Variants in JADE1 observed in about 807,000 individuals in gnomAD.
JADE1 encodes the protein jade family PHD finger 1.
A neutral mutation model predicts 81.8 loss-of-function variants in JADE1; 14 were observed. The observed-to-expected ratio is 0.17, with a 90% confidence interval of 0.11 to 0.27. The LOEUF (loss-of-function observed/expected upper bound fraction) is 0.27. Among genes scored for constraint, JADE1 ranks in the 10% least tolerant of loss-of-function variants. The pLI, the probability that JADE1 is intolerant of heterozygous loss-of-function variation, is 1.00. For missense variants in JADE1, 690 were observed against 1,047.9 expected (o/e 0.66, Z 4.71); for synonymous variants, 353 against 391.9 (o/e 0.90, Z 1.17).
At chr4:128,849,936 C>G (rs1191826042) in intron 5 of JADE1, among the ~76,000 whole-genome samples, 1 of 152,124 alleles carries the variant, frequency 6.6e-6, no homozygotes, top group Non-Finnish European at 1.5e-5. Context: ...AGCTTTTGTG[C>G]TGTAGGTACA....
intron 1 of JADE1, among the ~76,000 whole-genome samples, chr4:128,830,915 G>A (rs1347705031): frequency 6.6e-6 from 1 of 152,160 alleles, no homozygotes; most frequent in African/African-American, 2.4e-5. Flanking sequence ...CAGCTACCTG[G>A]GAGGAGTTGG....
At position 128,872,394 on chromosome 4, in the gene JADE1, A is replaced by AT. The variant is rs1732261464; in HGVS notation, c.*139dup. The AT allele has an allele frequency of 3.9e-6, 3 of 763,082 alleles. No individual in the cohort carries two copies. Among genetic ancestry groups the AT allele is most frequent in the African/African-American group, 3.5e-5 (2 of 56,692 alleles). 47.3% of individuals were successfully genotyped at this position (763,082 alleles called of 1,614,324 possible). On this transcript the variant is annotated 3_prime_UTR_variant, in exon 11 of 11. Coordinates refer to ENST00000226319, the MANE Select transcript of JADE1 (RefSeq NM_199320.4). The stretch of plus-strand genomic sequence containing the variant: ...ACACATTTACTTGCAATTCAGATTA[A>AT]TTTTTTTCCAGAGTCATTTTTAAAT...
intron 8 of JADE1, among the ~76,000 whole-genome samples, chr4:128,859,402 CGTATGCGTGT>C (rs1312571111): frequency 6.6e-6 from 1 of 151,060 alleles, no homozygotes; most frequent in Non-Finnish European, 1.5e-5. Context: ...TGCGTGAGTG[CGTATGCGTGT>C]GTATGCATGT....
intron 2 of JADE1, among the ~76,000 whole-genome samples, chr4:128,837,237 C>T (rs116715150): frequency 1.5e-4 from 23 of 152,276 alleles, no homozygotes; most frequent in African/African-American, 4.6e-4. Flanking sequence ...GCCCCATCAC[C>T]TGTGATAAGG....
chr4:128,835,934 C>G (rs1043264445), intron 2 of JADE1, among the ~76,000 whole-genome samples: 40 of 152,184 alleles, frequency 2.6e-4, no homozygotes, highest in African/African-American at 9.4e-4. Flanking sequence ...ATAGTTGAAG[C>G]CTTTCTCCAG....
intron 4 of JADE1, among the ~76,000 whole-genome samples, chr4:128,847,157 C>T (rs2125858018): frequency 6.6e-6 from 1 of 152,320 alleles, no homozygotes; most frequent in South Asian, 2.1e-4. Flanking sequence ...AATCAGGTTG[C>T]AGCTAGTTTA....
At chr4:128,835,926 A>G (rs1752814698) in intron 2 of JADE1, among the ~76,000 whole-genome samples, 1 of 152,202 alleles carries the variant, frequency 6.6e-6, no homozygotes. Context: ...CTGCAGTCAT[A>G]GTTGAAGCCT....
At position 128,822,641 on chromosome 4, in the gene JADE1, C is replaced by T. The variant is rs184061596; in HGVS notation, c.-26-9092C>T. On this transcript the variant is annotated intron_variant, in intron 1 of 10. Transcript: ENST00000226319. ...GGCTGAAGCAGGAGAATCGCTTGAACCTGGGAGGCGGAGGTTGCGGTGAGC... is the reference window on the plus strand; with the variant it reads ...GGCTGAAGCAGGAGAATCGCTTGAATCTGGGAGGCGGAGGTTGCGGTGAGC... 4.0e-5 allele frequency among the ~76,000 whole-genome samples: 6 copies of T among 151,878 alleles called. No individual in the cohort carries two copies. In the East Asian group the frequency reaches 9.7e-4, roughly 25 times the overall value.
intron 1 of JADE1, chr4:128,811,552 A>G (rs1208117128): frequency 5.0e-5 from 7 of 139,002 alleles, no homozygotes; most frequent in Non-Finnish European, 7.7e-5. Flanking sequence ...CAGTGTGGAA[A>G]TGGGGGCGGG....
At chr4:128,836,318 T>G (rs1436510874) in intron 2 of JADE1, among the ~76,000 whole-genome samples, 4 of 152,158 alleles carry the variant, frequency 2.6e-5, no homozygotes, top group South Asian at 2.1e-4. Context: ...ATTTTATATG[T>G]CATATGTATT....
intron 1 of JADE1, among the ~76,000 whole-genome samples, chr4:128,823,622 G>T (rs1220649985): frequency 6.6e-6 from 1 of 152,112 alleles, no homozygotes; most frequent in African/African-American, 2.4e-5. Context: ...AATAAGTTTT[G>T]ATGTATGACG....
chr4:128,852,873 C>T (rs1326828704), intron 6 of JADE1, among the ~76,000 whole-genome samples: 6 of 151,830 alleles, frequency 4.0e-5, no homozygotes. Context: ...CTGCCTTCAT[C>T]ATCATGTGTG....
chr4:128,843,977 A>C (rs1729663623), intron 3 of JADE1, among the ~76,000 whole-genome samples: 1 of 152,212 alleles, frequency 6.6e-6, no homozygotes, highest in Admixed American at 6.5e-5. Flanking sequence ...CCCAGGAGGC[A>C]CTTTAGCATG....
chr4:128,850,693 G>A (rs1335148464), intron 5 of JADE1, among the ~76,000 whole-genome samples: 1 of 152,196 alleles, frequency 6.6e-6, no homozygotes, highest in Non-Finnish European at 1.5e-5. Flanking sequence ...AGTTTCTGCT[G>A]TGTTGTAAGC....
In JADE1 at chr4:128,873,257, A is replaced by G. The variant is rs1365623917; in HGVS notation, c.*995A>G. 2 of 132,130 alleles carry G rather than the reference A, an allele frequency of 1.5e-5. No individual in the cohort carries two copies. The highest frequency in any genetic ancestry group is 3.0e-5 in the African/African-American group (1 of 33,652). The allele number at this position is 132,130 out of a possible 1,614,324, so 8.2% of individuals were successfully genotyped here. ...ATGAATGGATTCCTTAAGAAAAAGG[A>G]AAAAAAAAAAAAAAAGAAAAAAAGA... On this transcript the variant is annotated 3_prime_UTR_variant, in exon 11 of 11. Coordinates refer to ENST00000226319, the MANE Select transcript of JADE1 (RefSeq NM_199320.4).
At chr4:128,838,531 T>C (rs1729168006) in intron 2 of JADE1, among the ~76,000 whole-genome samples, 1 of 152,182 alleles carries the variant, frequency 6.6e-6, no homozygotes, top group South Asian at 2.1e-4. Context: ...ACAAACAAAA[T>C]GCAAACCAAC....
intron 4 of JADE1, among the ~76,000 whole-genome samples, chr4:128,847,878 T>C (rs1268453375): frequency 6.6e-6 from 1 of 152,206 alleles, no homozygotes; most frequent in Non-Finnish European, 1.5e-5. Flanking sequence ...TAATTTAAAC[T>C]GTGGAAATGC....
intron 9 of JADE1, chr4:128,864,309 G>A (rs1405193908): frequency 3.8e-6 from 2 of 524,026 alleles, no homozygotes; most frequent in East Asian, 1.5e-4. Context: ...CACCATGCCT[G>A]GCTAATTTTT....
At chr4:128,835,639 A>G (rs1232347606) in intron 2 of JADE1, among the ~76,000 whole-genome samples, 1 of 152,204 alleles carries the variant, frequency 6.6e-6, no homozygotes, top group Non-Finnish European at 1.5e-5. Flanking sequence ...GATAGGGTCT[A>G]TGCAGTGGCC....
Sources: gnomAD v4.1 joint callset for allele counts (sites outside exome capture counted in the v4.1 genomes callset) on GRCh38, gnomAD v4.1.1 for gene constraint, MANE v1.5 for transcripts, NCBI Gene and HGNC (gene_info 2026-07-23, HGNC 2026-07-21) for gene names.